RYR1: variants seen among roughly 807,000 people sequenced by gnomAD.
The protein encoded by RYR1 is central core disease of muscle.
RYR1 carries 342 observed loss-of-function variants against 583.5 expected under a neutral mutation model. The observed-to-expected ratio is 0.59, with a 90% CI of 0.54 to 0.64. The LOEUF is 0.64. RYR1 is among the 30% of genes least tolerant of loss of function. The pLI, the probability that RYR1 is intolerant of heterozygous loss-of-function variation, is 0.00. For missense variants in RYR1, 6,032 were observed against 6,917.2 expected, an observed-to-expected ratio of 0.87 and a Z score of 4.54; for synonymous variants, 2,791 against 2,822.5, an observed-to-expected ratio of 0.99 and a Z score of 0.35.
At chr19:38,577,480 CAGT>C (rs1974009737) in intron 97 of RYR1, among the ~76,000 whole-genome samples, 1 of 151,994 alleles carries the variant, frequency 6.6e-6, no homozygotes, top group Admixed American at 6.6e-5. Context: ...TACAGTATGT[CAGT>C]GGTGATAAAT....
Position 38,519,247 on chromosome 19 carries a change from CG to C in RYR1, c.10054del (p.Glu3352SerfsTer73), listed in dbSNP as rs769757909. ...FAQPIVSRARPELLQSHFIPT... is the reference protein window; with the variant it reads ...FAQPIVSRARXELLQSHFIPT... ...CAGCCCATTGTGAGCCGTGCACGGC[CG>C]GAGCTCCTGCAGTCCCACTTCATCC... On this transcript the variant is annotated frameshift_variant, in exon 67 of 106. Coordinates refer to ENST00000359596, the MANE Select transcript of RYR1 (RefSeq NM_000540.3). LOFTEE classifies it high-confidence loss of function. The C allele has an allele frequency of 1.2e-6, 2 of 1,614,092 alleles. No individual in the cohort carries two copies.
At position 38,586,159 on chromosome 19, in the gene RYR1, C is replaced by T; in HGVS notation, c.14937C>T (p.His4979=). ...FDTTPHGFET[H]TLEEHNLANY... is the part of the protein sequence containing the mutation. Reference sequence around the variant, plus strand: ...CGACACCGCATGGCTTCGAGACTCACACGCTGGAGGAGCACAACCTGGCCA... The same window carrying T: ...CGACACCGCATGGCTTCGAGACTCATACGCTGGAGGAGCACAACCTGGCCA... Residue 4979 remains histidine, a synonymous_variant, in exon 104 of 106, where the codon CAC becomes CAT. Coordinates refer to ENST00000359596, the MANE Select transcript of RYR1 (RefSeq NM_000540.3). 1 of 1,614,114 alleles carries T rather than the reference C, an allele frequency of 6.2e-7. No individual in the cohort carries two copies. Among genetic ancestry groups the T allele is most frequent in the Non-Finnish European group, 8.5e-7 (1 of 1,180,028 alleles).
chr19:38,499,318 C>T lies in RYR1; in HGVS notation c.7027+75C>T, dbSNP rs952468505. The T allele has an allele frequency of 5.0e-6, 8 of 1,606,860 alleles. No homozygotes were observed. The highest frequency in any genetic ancestry group is 2.2e-5 in the South Asian group (2 of 90,714). On this transcript the variant is annotated intron_variant, in intron 43 of 105. Coordinates refer to ENST00000359596, the MANE Select transcript of RYR1 (RefSeq NM_000540.3). This position sits in a 1 kb window ranked among gnomAD's most constrained non-coding sequence, Gnocchi z 7.3. Reference sequence around the variant, plus strand: ...ACACACCTCCCTCGAGATGACTGCTCGCACCCTGAGCCACAGATGGGGTCC... The same window carrying T: ...ACACACCTCCCTCGAGATGACTGCTTGCACCCTGAGCCACAGATGGGGTCC...
At chr19:38,508,836 G>A (rs1970598076) in intron 58 of RYR1, among the ~76,000 whole-genome samples, 1 of 151,960 alleles carries the variant, frequency 6.6e-6, no homozygotes, top group African/African-American at 2.4e-5. Flanking sequence ...GGGGTTGGGG[G>A]CTGAGCCGAG....
At position 38,464,664 on chromosome 19, in the gene RYR1, G is replaced by A. The variant is rs369182023; in HGVS notation, c.2812G>A (p.Val938Met). ...LKTLLALGCH[V>M]GMADEKAEDN... is the part of the protein sequence containing the mutation. ...GACTCTGCTGGCTCTGGGCTGCCACGTGGGCATGGCGGATGAGAAGGCGGA... is the reference window on the plus strand; with the variant it reads ...GACTCTGCTGGCTCTGGGCTGCCACATGGGCATGGCGGATGAGAAGGCGGA... The change falls in exon 23 of 106, where the codon GTG (valine) becomes ATG (methionine). Residue 938 changes from valine to methionine, a missense_variant. Val to Met is a conservative substitution (Grantham distance 21). Around this residue, in one of 11 missense-constraint regions of RYR1, gnomAD observed 2,627 missense variants for 2,961.3 expected, o/e 0.89. Transcript: ENST00000359596. 3.5e-5 allele frequency: 55 copies of A among 1,592,672 alleles called. No individual in the cohort carries two copies. The highest frequency in any genetic ancestry group is 1.8e-4 in the East Asian group (8 of 44,142).
At position 38,565,253 on chromosome 19, in the gene RYR1, G is replaced by C; in HGVS notation, c.12919G>C (p.Gly4307Arg). Residue 4307 changes from glycine to arginine, a missense_variant, in exon 91 of 106, where the codon GGC (glycine) becomes CGC (arginine). Physicochemically the swap from Gly to Arg is moderately radical, Grantham distance 125. This residue lies in a region of RYR1 where 753 missense variants were observed against 759.6 expected (regional missense o/e 0.99). Coordinates refer to ENST00000359596, the MANE Select transcript of RYR1 (RefSeq NM_000540.3). The surrounding 1 kb of genome is among the most constrained non-coding windows in gnomAD (Gnocchi z 4.7). Reference protein sequence around the residue: ...VVAAAGRALRGLSYRSLRRRV... With the variant: ...VVAAAGRALRRLSYRSLRRRV... ...GGCGGCCGCAGGCCGGGCCCTGCGA[G>C]GCCTCAGCTACCGCAGCCTGCGGCG... 1.0e-6 allele frequency: 1 copy of C among 991,370 alleles called. No individual in the cohort carries two copies. The highest frequency in any genetic ancestry group is 1.2e-6 in the Non-Finnish European group (1 of 835,436). The allele number at this position is 991,370 out of a possible 1,614,324, so 61.4% of individuals were successfully genotyped here. A position where few individuals can be genotyped will look rare whatever the true frequency, so the allele number is the denominator to read the frequency against.
intron 9 of RYR1, among the ~76,000 whole-genome samples, chr19:38,447,147 C>T (rs1403932572): frequency 6.6e-6 from 1 of 152,148 alleles, no homozygotes; most frequent in Non-Finnish European, 1.5e-5. Flanking sequence ...ATCACTCGAG[C>T]CCAGCGGGTC....
At chr19:38,539,128 C>T (rs1268979870) in intron 84 of RYR1, among the ~76,000 whole-genome samples, 1 of 151,906 alleles carries the variant, frequency 6.6e-6, no homozygotes, top group Non-Finnish European at 1.5e-5. Flanking sequence ...TTTCTTTCAA[C>T]AAAGGATAAA....
chr19:38,490,139 G>T lies in RYR1; in HGVS notation c.5878G>T (p.Ala1960Ser). 6.2e-7 allele frequency: 1 copy of T among 1,614,238 alleles called. No homozygotes were observed. The highest frequency in any genetic ancestry group is 8.5e-7 in the Non-Finnish European group (1 of 1,180,052). Residue 1960 changes from alanine (A) to serine (S), a missense_variant, in exon 36 of 106, where the codon GCC becomes TCC. Physicochemically the swap from Ala to Ser is moderately conservative, Grantham distance 99 (BLOSUM62 1). This residue lies in a region of RYR1 where 2,627 missense variants were observed against 2,961.3 expected (regional missense o/e 0.89). Transcript: ENST00000359596. ...GCAGCACCGTGTGGAGTCCCTGGCA[G>T]CCTTTGCGGAGCGCTATGTGGACAA... ...ELQHRVESLA[A>S]FAERYVDKLQ...
chr19:38,560,861 A>G (rs1973099703), intron 89 of RYR1, among the ~76,000 whole-genome samples: 1 of 151,802 alleles, frequency 6.6e-6, no homozygotes, highest in South Asian at 2.1e-4. Flanking sequence ...TCTACAAAAA[A>G]AAATTAAAAT....
At chr19:38,485,323 C>T (rs1216946594) in intron 33 of RYR1, among the ~76,000 whole-genome samples, 1 of 152,174 alleles carries the variant, frequency 6.6e-6, no homozygotes, top group East Asian at 1.9e-4. Context: ...ACTGCCCTCA[C>T]AGAACCCTAA....
At chr19:38,585,514 C>T (rs1974443345) in intron 102 of RYR1, among the ~76,000 whole-genome samples, 1 of 149,950 alleles carries the variant, frequency 6.7e-6, no homozygotes, top group South Asian at 2.1e-4. Flanking sequence ...CGCTCTGTTG[C>T]CCGGGCCAGA....
At position 38,512,007 on chromosome 19, in the gene RYR1, A is replaced by C; in HGVS notation, c.9173-65A>C. ...GGAAGAGAGCGGTTGGGGTGGATGTAGAGGGAGGCACTGTCCTCTGTCCTC... is the reference window on the plus strand; with the variant it reads ...GGAAGAGAGCGGTTGGGGTGGATGTCGAGGGAGGCACTGTCCTCTGTCCTC... On this transcript the variant is annotated intron_variant, in intron 61 of 105. Coordinates refer to ENST00000359596, the MANE Select transcript of RYR1 (RefSeq NM_000540.3). This position sits in a 1 kb window ranked among gnomAD's most constrained non-coding sequence, Gnocchi z 5.1. The C allele has an allele frequency of 1.3e-6, 2 of 1,552,176 alleles. No homozygotes were observed. The highest frequency in any genetic ancestry group is 2.3e-5 in the South Asian group (2 of 86,620).
intron 76 of RYR1, among the ~76,000 whole-genome samples, chr19:38,529,557 A>T (rs769560365): frequency 4.6e-5 from 7 of 152,210 alleles, no homozygotes; most frequent in Non-Finnish European, 8.8e-5. Flanking sequence ...ATGGCTGAAC[A>T]CTTCACAAGG....
chr19:38,467,765 G>A lies in RYR1; in HGVS notation c.3334G>A (p.Val1112Ile), dbSNP rs894103148. Residue 1112 changes from valine to isoleucine, a missense_variant, in exon 25 of 106, where the codon GTA (valine) becomes ATA (isoleucine). Physicochemically the swap from Val to Ile is conservative, Grantham distance 29. Coordinates refer to ENST00000359596, the MANE Select transcript of RYR1 (RefSeq NM_000540.3). Reference protein sequence around the residue: ...GWARPELRPDVELGADELAYV... With the variant: ...GWARPELRPDIELGADELAYV... ...GGCGAGGCCCGAGCTGAGGCCTGAT[G>A]TAGAGCTGGGAGCTGACGAGCTGGC... is the stretch of plus-strand genomic sequence containing the variant. 5.6e-6 allele frequency: 9 copies of A among 1,614,082 alleles called. No homozygotes were observed. The Admixed American group carries it at 1.2e-4, about 21-fold the overall frequency.
intron 17 of RYR1, 143 bp downstream of exon 17, chr19:38,457,773 C>A: frequency 1.1e-6 from 1 of 883,998 alleles, no homozygotes; most frequent in Non-Finnish European, 1.8e-6. Context: ...TCCACTGTGG[C>A]CCCACTCTCC....
chr19:38,439,686 T>C, intron 1 of RYR1, among the ~76,000 whole-genome samples: 1 of 151,802 alleles, frequency 6.6e-6, no homozygotes, highest in South Asian at 2.1e-4. Context: ...TTTGTATTTT[T>C]TAGTAGAGAT....
At position 38,517,462 on chromosome 19, in the gene RYR1, C is replaced by T. The variant is rs372613003; in HGVS notation, c.9789C>T (p.Tyr3263=). The change falls in exon 66 of 106, where the codon TAC becomes TAT. Residue 3263 remains tyrosine, a synonymous_variant. Coordinates refer to ENST00000359596, the MANE Select transcript of RYR1 (RefSeq NM_000540.3). The part of the protein sequence containing the change: ...IGGLAESGAR[Y]TEMPHVIEIT... Reference sequence around the variant, plus strand: ...GGCTGGCCGAGTCAGGTGCCCGCTACACAGAGATGCCGCATGTCATCGAGA... The same window carrying T: ...GGCTGGCCGAGTCAGGTGCCCGCTATACAGAGATGCCGCATGTCATCGAGA... 7.3e-5 allele frequency: 118 copies of T among 1,614,116 alleles called. No homozygotes were observed. The South Asian group carries it at 1.2e-3, about 16-fold the overall frequency.
At chr19:38,486,750 C>A (rs1969318272) in intron 34 of RYR1, among the ~76,000 whole-genome samples, 1 of 152,148 alleles carries the variant, frequency 6.6e-6, no homozygotes. Flanking sequence ...TTCTTTCTTC[C>A]TATTCATCTA....
Sources: gnomAD v4.1 joint callset for allele counts (sites outside exome capture counted in the v4.1 genomes callset) on GRCh38, gnomAD v4.1.1 for gene constraint, gnomAD v4.1.1 regional missense constraint, Gnocchi (gnomAD v3.1) non-coding constraint, MANE v1.5 for transcripts, NCBI Gene and HGNC (gene_info 2026-07-23, HGNC 2026-07-21) for gene names.